The following CSMD3 variants were observed in gnomAD, a reference collection of about 807,000 sequenced individuals.
CSMD3 encodes the protein CUB and sushi domain-containing protein 3.
CSMD3 carries 177 observed loss-of-function variants against 435.2 expected under a neutral mutation model. The observed-to-expected ratio is 0.41, with a 90% confidence interval of 0.36 to 0.46. CSMD3 has a LOEUF of 0.46. Among genes scored for constraint, CSMD3 ranks in the 20% least tolerant of loss-of-function variants. The pLI is 0.34. For missense variants in CSMD3, 4,265 were observed against 4,504.6 expected, an observed-to-expected ratio of 0.95 and a Z score of 1.52; for synonymous variants, 1,656 against 1,520.5, an observed-to-expected ratio of 1.09 and a Z score of -2.07.
intron 38 of CSMD3, among the ~76,000 whole-genome samples, chr8:112,371,568 T>G (rs1828392845): frequency 6.6e-6 from 1 of 152,070 alleles, no homozygotes; most frequent in African/African-American, 2.4e-5. Flanking sequence ...TTTTCTCTCT[T>G]ACTACATCTG....
At chr8:113,197,284 T>A (rs1256259423) in intron 3 of CSMD3, among the ~76,000 whole-genome samples, 1 of 151,070 alleles carries the variant, frequency 6.6e-6, no homozygotes, top group African/African-American at 2.4e-5. Context: ...CTGTATAGAA[T>A]TGCCTTCAGC....
chr8:112,657,654 G>A (rs558802342), intron 17 of CSMD3, among the ~76,000 whole-genome samples: 1 of 152,136 alleles, frequency 6.6e-6, no homozygotes, highest in African/African-American at 2.4e-5. Flanking sequence ...CTAAACTGTG[G>A]AAAAATGTTT....
intron 27 of CSMD3, among the ~76,000 whole-genome samples, chr8:112,536,219 A>G (rs999225991): frequency 4.6e-5 from 7 of 150,716 alleles, no homozygotes; most frequent in African/African-American, 1.7e-4. Flanking sequence ...AGAAACTACC[A>G]TCAGAGTGAA....
intron 1 of CSMD3, among the ~76,000 whole-genome samples, chr8:113,318,859 C>T (rs2132695175): frequency 6.8e-6 from 1 of 146,834 alleles, no homozygotes. Context: ...AAAAAGGGAT[C>T]TATATCCCCT....
chr8:112,342,981 ATATATTTATATATATATATT>A (rs1466704136), intron 41 of CSMD3, among the ~76,000 whole-genome samples: 4 of 49,926 alleles, frequency 8.0e-5, no homozygotes, highest in African/African-American at 2.4e-4. Flanking sequence ...TTATATATAT[ATATATTTATATATATATATT>A]TATATATATA....
At chr8:112,477,363 G>A (rs1819158076) in intron 31 of CSMD3, among the ~76,000 whole-genome samples, 1 of 152,158 alleles carries the variant, frequency 6.6e-6, no homozygotes, top group Non-Finnish European at 1.5e-5. Flanking sequence ...GTTCTATTGA[G>A]GGAATAGCAA....
chr8:112,692,690 T>C (rs527964666), intron 13 of CSMD3, among the ~76,000 whole-genome samples: 15 of 152,290 alleles, frequency 9.8e-5, no homozygotes, highest in Admixed American at 7.9e-4. Context: ...GTTGATTGTC[T>C]TATACACTAA....
At chr8:112,534,471 C>T (rs1395313300) in intron 27 of CSMD3, among the ~76,000 whole-genome samples, 1 of 152,144 alleles carries the variant, frequency 6.6e-6, no homozygotes, top group East Asian at 1.9e-4. Context: ...TCTCCCAAGA[C>T]TAAACCAGGA....
rs1481417121 is a variant in CSMD3 at position 112,507,825 on chromosome 8, C to A, written c.4757-996G>T. On this transcript the variant is annotated intron_variant, in intron 28 of 70. Coordinates refer to ENST00000297405, the MANE Select transcript of CSMD3 (RefSeq NM_198123.2). ...TCTTTTGTCTGGTACTGCCTTCCTC[C>A]ATGCACCTCTGCTACTCTTGTCTCA... 2.6e-5 allele frequency among the ~76,000 whole-genome samples: 4 copies of A among 152,072 alleles called. No individual in the cohort carries two copies. The South Asian group carries it at 8.3e-4, about 32-fold the overall frequency.
At chr8:112,233,547 A>G (rs751931478) in intron 68 of CSMD3, among the ~76,000 whole-genome samples, 4 of 152,194 alleles carry the variant, frequency 2.6e-5, no homozygotes, top group African/African-American at 4.8e-5. Flanking sequence ...CTCAGGAACC[A>G]AACTTATTGA....
intron 31 of CSMD3, among the ~76,000 whole-genome samples, chr8:112,474,247 A>G (rs1339816091): frequency 6.6e-6 from 1 of 152,200 alleles, no homozygotes; most frequent in African/African-American, 2.4e-5. Flanking sequence ...AGCAAAGCCC[A>G]AAATAGTATC....
At chr8:112,232,979 A>G (rs1289621905) in intron 68 of CSMD3, among the ~76,000 whole-genome samples, 2 of 152,194 alleles carry the variant, frequency 1.3e-5, no homozygotes, top group Non-Finnish European at 2.9e-5. Flanking sequence ...GAAATAACTA[A>G]ATACTTATTA....
At chr8:112,402,119 T>C (rs1471762353) in intron 35 of CSMD3, among the ~76,000 whole-genome samples, 1 of 152,228 alleles carries the variant, frequency 6.6e-6, no homozygotes, top group African/African-American at 2.4e-5. Context: ...TTTTAGTCAT[T>C]TAGCCATAAT....
intron 17 of CSMD3, among the ~76,000 whole-genome samples, chr8:112,659,945 GA>G (rs534000323): frequency 5.3e-5 from 8 of 151,816 alleles, no homozygotes; most frequent in Non-Finnish European, 8.8e-5. Context: ...TGAGAATATA[GA>G]AAAAAACTAC....
intron 28 of CSMD3, among the ~76,000 whole-genome samples, chr8:112,512,513 G>A (rs773586073): frequency 1.3e-5 from 2 of 152,122 alleles, no homozygotes; most frequent in Non-Finnish European, 2.9e-5. Flanking sequence ...TTTCTGAACA[G>A]TAGGTCTCAA....
intron 10 of CSMD3, among the ~76,000 whole-genome samples, chr8:112,921,256 C>T (rs112181374): frequency 0.034 from 5,126 of 151,946 alleles, 148 homozygotes; most frequent in Middle Eastern, 0.051. Context: ...ATTGTAGACA[C>T]GGACACATAA....
chr8:112,503,979 TG>T lies in CSMD3; in HGVS notation c.4896-3del, dbSNP rs111461827. On this transcript the variant is annotated splice_polypyrimidine_tract_variant and splice_region_variant and intron_variant, in intron 29 of 70. Coordinates refer to ENST00000297405, the MANE Select transcript of CSMD3 (RefSeq NM_198123.2). The stretch of plus-strand genomic sequence containing the variant: ...TCATAGTTTGGTTCTATGCTAAAAC[TG>T]AAAAAAAAAAGGAAAGAACAAAAGA... 61,125 of 1,086,942 alleles carry T rather than the reference TG, an allele frequency of 0.056. 4 individuals carry two copies. The highest frequency in any genetic ancestry group is 0.059 in the Non-Finnish European group (46,173 of 787,774). 67.3% of individuals were successfully genotyped at this position (1,086,942 alleles called of 1,614,324 possible).
intron 27 of CSMD3, among the ~76,000 whole-genome samples, chr8:112,537,787 T>A (rs183610357): frequency 1.3e-3 from 190 of 151,626 alleles, no homozygotes; most frequent in Non-Finnish European, 1.7e-3. Context: ...CACTGATGAA[T>A]TCTACCAAAC....
At chr8:112,494,245 G>A (rs1323238489) in intron 30 of CSMD3, among the ~76,000 whole-genome samples, 2 of 151,824 alleles carry the variant, frequency 1.3e-5, no homozygotes, top group African/African-American at 2.4e-5. Context: ...ACAGATAAAT[G>A]AGGAAGGTTG....
Sources: gnomAD v4.1 joint callset for allele counts (sites outside exome capture counted in the v4.1 genomes callset) on GRCh38, gnomAD v4.1.1 for gene constraint, MANE v1.5 for transcripts, NCBI Gene and HGNC (gene_info 2026-07-23, HGNC 2026-07-21) for gene names.